Variants in TPTE2 observed in about 807,000 individuals in gnomAD.
The protein encoded by TPTE2 is phosphatidylinositol 3,4,5-trisphosphate 3-phosphatase TPTE2.
A neutral mutation model predicts 78.6 loss-of-function variants in TPTE2; 53 were observed. The observed-to-expected ratio is 0.67, with a 90% CI of 0.54 to 0.85. The LOEUF (loss-of-function observed/expected upper bound fraction) is 0.85, where lower values mean the gene tolerates loss of function less well. Ranked by LOEUF, TPTE2 falls within the 40% of genes least tolerant of loss-of-function variation. The probability of loss-of-function intolerance (pLI) is 0.00; values close to 1 mark genes in which losing one functional copy is unlikely to be tolerated. For synonymous variants in TPTE2, 175 were observed against 206.2 expected, an observed-to-expected ratio of 0.85 and a Z score of 1.30; for missense variants, 461 against 623.0, an observed-to-expected ratio of 0.74 and a Z score of 2.77.
At chr13:19,432,494 A>T in exon 16 of TPTE2, 1 of 1,603,964 alleles carries the variant, frequency 6.2e-7, no homozygotes, top group Non-Finnish European at 8.5e-7. Context: ...TAAATAATGA[A>T]TCTTTTTATA....
At chr13:19,506,193 A>T (rs1869015048), upstream of TPTE2, among the ~76,000 whole-genome samples, 1 of 1,854 alleles carries the variant, frequency 5.4e-4, no homozygotes, top group Admixed American at 0.014. Flanking sequence ...TTTTTTTGAG[A>T]CGGAGTCTCG....
chr13:19,436,569 T>C (rs1877106049), intron 14 of TPTE2, among the ~76,000 whole-genome samples: 1 of 152,076 alleles, frequency 6.6e-6, no homozygotes, highest in African/African-American at 2.4e-5. Flanking sequence ...TGTACCACCA[T>C]GCCCAGCTAA....
intron 1 of TPTE2, among the ~76,000 whole-genome samples, chr13:19,515,895 T>C (rs1869760969): frequency 6.6e-6 from 1 of 152,194 alleles, no homozygotes; most frequent in Non-Finnish European, 1.5e-5. Context: ...GCTAAGCAAG[T>C]TCCTTGGGAA....
At chr13:19,536,645 C>T (rs943080547) in exon 1 of TPTE2, 1 of 152,142 alleles carries the variant, frequency 6.6e-6, no homozygotes, top group African/African-American at 2.4e-5. Flanking sequence ...ATGTGTATAG[C>T]TCTATTTCAA....
chr13:19,510,129 T>C (rs1362273030), intron 1 of TPTE2, among the ~76,000 whole-genome samples: 3 of 152,200 alleles, frequency 2.0e-5, no homozygotes, highest in African/African-American at 7.2e-5. Context: ...AGATGACCTA[T>C]TGGAGAACAT....
intron 1 of TPTE2, among the ~76,000 whole-genome samples, chr13:19,533,737 A>T (rs754808557): frequency 3.3e-5 from 5 of 152,210 alleles, no homozygotes; most frequent in Non-Finnish European, 7.3e-5. Flanking sequence ...CATGGCAGGG[A>T]TTTGAACTGA....
chr13:19,541,722 T>C (rs947772520), upstream of TPTE2, among the ~76,000 whole-genome samples: 1 of 152,206 alleles, frequency 6.6e-6, no homozygotes, highest in Non-Finnish European at 1.5e-5. Context: ...GTGATCTTTT[T>C]CCTCCATTGT....
intron 1 of TPTE2, among the ~76,000 whole-genome samples, chr13:19,500,327 GCCAGGCAGAGA>G (rs1464890001): frequency 6.6e-6 from 1 of 151,086 alleles, no homozygotes; most frequent in African/African-American, 2.4e-5. Context: ...TGATACCAAA[GCCAGGCAGAGA>G]CACAACAAAA....
chr13:19,501,673 A>G (rs1868567400), intron 1 of TPTE2, among the ~76,000 whole-genome samples: 1 of 152,016 alleles, frequency 6.6e-6, no homozygotes, highest in Admixed American at 6.5e-5. Flanking sequence ...AAAGACTTAA[A>G]CATTAGACCT....
At chr13:19,428,731 G>GAA (rs375990972) in intron 17 of TPTE2, among the ~76,000 whole-genome samples, 7 of 142,596 alleles carry the variant, frequency 4.9e-5, no homozygotes, top group Admixed American at 1.4e-4. Flanking sequence ...CCTGGCTCAG[G>GAA]AAAAAAAAAA....
chr13:19,531,522 G>A (rs1566079528), intron 1 of TPTE2, among the ~76,000 whole-genome samples: 2 of 150,964 alleles, frequency 1.3e-5, no homozygotes, highest in African/African-American at 2.4e-5. Context: ...TTCAAAGAAA[G>A]AAAATAGTAT....
At chr13:19,524,172 T>C (rs1012436608) in intron 1 of TPTE2, among the ~76,000 whole-genome samples, 2 of 152,156 alleles carry the variant, frequency 1.3e-5, no homozygotes, top group Non-Finnish European at 2.9e-5. Flanking sequence ...GACCTCCATA[T>C]AAATCCAGGG....
At chr13:19,457,048 C>T (rs189253550) in intron 10 of TPTE2, among the ~76,000 whole-genome samples, 4 of 152,108 alleles carry the variant, frequency 2.6e-5, no homozygotes, top group Non-Finnish European at 5.9e-5. Flanking sequence ...TTGCAATAAA[C>T]GCACCTCTGC....
chr13:19,446,729 C>G (rs1407582201), intron 13 of TPTE2, among the ~76,000 whole-genome samples: 1 of 152,068 alleles, frequency 6.6e-6, no homozygotes. Context: ...TCACTTGAGT[C>G]CAGGAGTTCA....
intron 9 of TPTE2, among the ~76,000 whole-genome samples, chr13:19,464,990 A>G (rs2497248): frequency 0.99 from 150,018 of 152,256 alleles, 73,945 homozygotes; most frequent in Middle Eastern, 1. Flanking sequence ...AAATAACTAC[A>G]AGAGGTTAAT....
intron 18 of TPTE2, chr13:19,425,847 A>G (rs780277462): frequency 5.8e-6 from 3 of 517,662 alleles, no homozygotes; most frequent in African/African-American, 3.9e-5. Flanking sequence ...GAATTAATAA[A>G]AAACTGCTTT....
intron 6 of TPTE2, among the ~76,000 whole-genome samples, chr13:19,468,111 G>A (rs1879399538): frequency 8.3e-6 from 1 of 120,104 alleles, no homozygotes; most frequent in South Asian, 2.9e-4. Context: ...CGTGATCTCG[G>A]CTCACTGCAA....
chr13:19,501,455 T>G (rs998363597), intron 1 of TPTE2, among the ~76,000 whole-genome samples: 2 of 124,320 alleles, frequency 1.6e-5, no homozygotes, highest in African/African-American at 6.0e-5. Flanking sequence ...AAAACAGAGA[T>G]ATAGATCAAT....
chr13:19,502,169 G>A (rs1451914388), intron 1 of TPTE2, among the ~76,000 whole-genome samples: 3 of 79,838 alleles, frequency 3.8e-5, no homozygotes. Context: ...AGAGGACGTG[G>A]AGAAATAGGA....
Sources: gnomAD v4.1 joint callset for allele counts (sites outside exome capture counted in the v4.1 genomes callset) on GRCh38, gnomAD v4.1.1 for gene constraint, MANE v1.5 for transcripts, NCBI Gene and HGNC (gene_info 2026-07-23, HGNC 2026-07-21) for gene names.